The following CACNA2D3 variants were observed in gnomAD, a reference collection of about 807,000 sequenced individuals.
The protein encoded by CACNA2D3 is calcium voltage-gated channel auxiliary subunit alpha2delta 3, also known as voltage-dependent calcium channel subunit alpha-2/delta-3.
Under a neutral mutation model 160.6 loss-of-function variants are expected in CACNA2D3, and 60 were observed. The ratio of observed to expected loss-of-function variants is 0.37; its 90% CI spans 0.30 to 0.46. The LOEUF is 0.46. Ranked by LOEUF, CACNA2D3 falls within the 20% of genes least tolerant of loss-of-function variation. The pLI is 1.00. For missense variants in CACNA2D3, 1,205 were observed against 1,365.0 expected (o/e 0.88, Z 1.85); for synonymous variants, 558 against 492.9 (o/e 1.13, Z -1.75).
In CACNA2D3 at chr3:54,864,538, G is replaced by C. The variant is rs189652746; in HGVS notation, c.1627-7001G>C. Reference sequence around the variant, plus strand: ...GCCTCCGAAAGTGCTGGGATTACAGGCGCGAGCCACTGTGCCTGGCTTTGG... The same window carrying C: ...GCCTCCGAAAGTGCTGGGATTACAGCCGCGAGCCACTGTGCCTGGCTTTGG... On this transcript the variant is annotated intron_variant, in intron 17 of 37. Coordinates refer to ENST00000474759, the MANE Select transcript of CACNA2D3 (RefSeq NM_018398.3). Among the ~76,000 whole-genome samples the C allele has an allele frequency of 8.4e-3, 1,279 of 152,250 alleles. 21 individuals are homozygous for C. Among genetic ancestry groups the C allele is most frequent in the African/African-American group, 0.029 (1,216 of 41,550 alleles).
chr3:54,479,979 T>G (rs1245409922), intron 4 of CACNA2D3, among the ~76,000 whole-genome samples: 1 of 152,112 alleles, frequency 6.6e-6, no homozygotes, highest in Non-Finnish European at 1.5e-5. Context: ...TCTTCTCCTC[T>G]CAATCTTTAG....
At chr3:54,970,912 A>G (rs1702264384) in intron 29 of CACNA2D3, among the ~76,000 whole-genome samples, 1 of 152,076 alleles carries the variant, frequency 6.6e-6, no homozygotes, top group African/African-American at 2.4e-5. Flanking sequence ...TCTGCTTATC[A>G]TGAGGACTTA....
At chr3:54,309,757 C>T (rs201307293) in intron 2 of CACNA2D3, among the ~76,000 whole-genome samples, 3 of 150,804 alleles carry the variant, frequency 2.0e-5, no homozygotes, top group African/African-American at 7.3e-5. Context: ...CTTAAAAGCA[C>T]GCTGAGGAAA....
chr3:54,660,082 C>T (rs889653191), intron 11 of CACNA2D3, among the ~76,000 whole-genome samples: 5 of 152,082 alleles, frequency 3.3e-5, no homozygotes, highest in South Asian at 2.1e-4. Context: ...CCTTGCATCT[C>T]CTAGTACTGA....
intron 2 of CACNA2D3, among the ~76,000 whole-genome samples, chr3:54,191,296 T>C (rs1484379567): frequency 6.6e-6 from 1 of 152,150 alleles, no homozygotes; most frequent in Non-Finnish European, 1.5e-5. Flanking sequence ...TCAGTGGTTT[T>C]TTGTGATGGC....
At chr3:54,901,424 GT>G (rs1700329980) in intron 27 of CACNA2D3, among the ~76,000 whole-genome samples, 1 of 152,190 alleles carries the variant, frequency 6.6e-6, no homozygotes, top group Non-Finnish European at 1.5e-5. Flanking sequence ...ATAAATGCCT[GT>G]TTGGCTGAGT....
chr3:54,593,627 A>T (rs953610983), intron 9 of CACNA2D3, among the ~76,000 whole-genome samples: 1 of 152,202 alleles, frequency 6.6e-6, no homozygotes, highest in African/African-American at 2.4e-5. Flanking sequence ...AAAAGAAACT[A>T]TTTTTGTGGG....
intron 4 of CACNA2D3, among the ~76,000 whole-genome samples, chr3:54,425,173 T>A (rs2106759909): frequency 6.6e-6 from 1 of 152,052 alleles, no homozygotes; most frequent in East Asian, 1.9e-4. Flanking sequence ...TTACTAAAAA[T>A]ACAAAAAAAT....
chr3:55,058,892 G>A (rs977258335), intron 35 of CACNA2D3, among the ~76,000 whole-genome samples: 3 of 152,074 alleles, frequency 2.0e-5, no homozygotes, highest in African/African-American at 7.2e-5. Flanking sequence ...ATCAGGATAA[G>A]TAGAAGGATT....
chr3:54,441,396 A>G (rs1332500448), intron 4 of CACNA2D3, among the ~76,000 whole-genome samples: 2 of 152,222 alleles, frequency 1.3e-5, no homozygotes, highest in Admixed American at 1.3e-4. Context: ...GCCCTTTGTC[A>G]GATGAGTAGA....
At chr3:54,148,669 G>C (rs1700083746) in intron 2 of CACNA2D3, among the ~76,000 whole-genome samples, 1 of 152,164 alleles carries the variant, frequency 6.6e-6, no homozygotes, top group Non-Finnish European at 1.5e-5. Context: ...GATCTGACCA[G>C]TTTTATGCCT....
intron 3 of CACNA2D3, among the ~76,000 whole-genome samples, chr3:54,383,683 G>A (rs914101931): frequency 2.0e-5 from 3 of 151,998 alleles, no homozygotes; most frequent in African/African-American, 7.2e-5. Context: ...ACGCAAATTC[G>A]CGGAGTTCCC....
chr3:54,874,159 C>T (rs1699607658), intron 18 of CACNA2D3, among the ~76,000 whole-genome samples: 1 of 152,102 alleles, frequency 6.6e-6, no homozygotes, highest in Non-Finnish European at 1.5e-5. Context: ...TTCATATATA[C>T]TGTTACAATG....
At chr3:54,896,245 G>A (rs1395292983) in intron 25 of CACNA2D3, among the ~76,000 whole-genome samples, 2 of 152,168 alleles carry the variant, frequency 1.3e-5, no homozygotes, top group African/African-American at 4.8e-5. Flanking sequence ...AGGCAGGTGA[G>A]GGAAGAAGGT....
Position 54,353,583 on chromosome 3 carries a change from G to A in CACNA2D3, c.321+33025G>A, listed in dbSNP as rs543804509. Among the ~76,000 whole-genome samples, 16 of 152,074 alleles carry A rather than the reference G, an allele frequency of 1.1e-4. No individual in the cohort carries two copies. In the South Asian group the frequency reaches 2.5e-3, roughly 24 times the overall value. ...ATGAGTTATCTAGCATTCCCACCGC[G>A]CCCCCTCCCTGCCACCCAACTCTTT... On this transcript the variant is annotated intron_variant, in intron 3 of 37. Coordinates refer to ENST00000474759, the MANE Select transcript of CACNA2D3 (RefSeq NM_018398.3).
intron 2 of CACNA2D3, among the ~76,000 whole-genome samples, chr3:54,136,888 G>C (rs1699823920): frequency 6.6e-6 from 1 of 152,186 alleles, no homozygotes; most frequent in South Asian, 2.1e-4. Flanking sequence ...CTCATTTGGT[G>C]GTCCGTGGAC....
intron 11 of CACNA2D3, among the ~76,000 whole-genome samples, chr3:54,712,975 G>C (rs1438053588): frequency 6.6e-6 from 1 of 152,068 alleles, no homozygotes; most frequent in Non-Finnish European, 1.5e-5. Flanking sequence ...CAAACTCCTA[G>C]ACATCATGGG....
At chr3:55,002,145 G>A (rs1261309525) in intron 31 of CACNA2D3, among the ~76,000 whole-genome samples, 4 of 146,328 alleles carry the variant, frequency 2.7e-5, no homozygotes, top group Non-Finnish European at 5.9e-5. Flanking sequence ...GACAGAGAGT[G>A]AGACTCCATA....
intron 2 of CACNA2D3, among the ~76,000 whole-genome samples, chr3:54,252,207 A>G (rs1702205485): frequency 6.9e-6 from 1 of 145,408 alleles, no homozygotes; most frequent in Admixed American, 7.3e-5. Flanking sequence ...TTCTTGCAGG[A>G]TGGGCTAGTG....
Sources: gnomAD v4.1 joint callset for allele counts (sites outside exome capture counted in the v4.1 genomes callset) on GRCh38, gnomAD v4.1.1 for gene constraint, MANE v1.5 for transcripts, NCBI Gene and HGNC (gene_info 2026-07-23, HGNC 2026-07-21) for gene names.